Variants in ZBTB20 observed in about 807,000 individuals in gnomAD.
The protein encoded by ZBTB20 is zinc finger and BTB domain-containing protein 20.
A neutral mutation model predicts 56.9 loss-of-function variants in ZBTB20; 9 were observed. The observed-to-expected ratio is 0.16, with a 90% CI of 0.10 to 0.28. The LOEUF (loss-of-function observed/expected upper bound fraction) is 0.28. Ranked by LOEUF, ZBTB20 falls within the 10% of genes least tolerant of loss-of-function variation. The pLI is 1.00. For missense variants in ZBTB20, 655 were observed against 1,003.0 expected (o/e 0.65, Z 4.69); for synonymous variants, 417 against 420.7 (o/e 0.99, Z 0.11).
chr3:115,018,737 T>A (rs2080081461), intron 2 of ZBTB20, among the ~76,000 whole-genome samples: 1 of 151,466 alleles, frequency 6.6e-6, no homozygotes, highest in Non-Finnish European at 1.5e-5. Flanking sequence ...TAACTACAAT[T>A]CCTTGAAGAG....
chr3:114,753,326 TG>T lies in ZBTB20; in HGVS notation c.-343+47774del, dbSNP rs769271270. Among the ~76,000 whole-genome samples, 344 of 49,256 alleles carry T rather than the reference TG, an allele frequency of 7.0e-3. 59 individuals carry two copies. The highest frequency in any genetic ancestry group is 0.019 in the East Asian group (19 of 1,020). The allele number at this position is 49,256 out of a possible 152,430, so 32.3% of individuals were successfully genotyped here. On this transcript the variant is annotated intron_variant, in intron 5 of 11. Coordinates refer to ENST00000675478, the MANE Select transcript of ZBTB20 (RefSeq NM_001348800.3). ...TATATATAATGTATATATGTATACC[TG>T]TATATATAATGTATATATGTATACA...
chr3:115,043,403 T>TA lies in ZBTB20; in HGVS notation c.-507+27815dup, dbSNP rs781129655. ...GTGAAACCCCATCTCTACTAAAAAC[T>TA]AAAAAAAAAAAAAAAATTAGCCAGG... On this transcript the variant is annotated intron_variant, in intron 2 of 11. Transcript: ENST00000675478. Among the ~76,000 whole-genome samples the TA allele has an allele frequency of 1.8e-3, 230 of 126,220 alleles. 1 individual carries two copies. The highest frequency in any genetic ancestry group is 3.2e-3 in the Admixed American group (40 of 12,512). The allele number at this position is 126,220 out of a possible 152,430, so 82.8% of individuals were successfully genotyped here.
intron 2 of ZBTB20, among the ~76,000 whole-genome samples, chr3:115,031,128 G>A (rs894408815): frequency 1.3e-5 from 2 of 151,326 alleles, no homozygotes; most frequent in African/African-American, 2.4e-5. Flanking sequence ...AAATATTTGC[G>A]TTTGCTGAGT....
intron 2 of ZBTB20, among the ~76,000 whole-genome samples, chr3:115,053,861 G>A (rs772458046): frequency 6.6e-6 from 1 of 151,928 alleles, no homozygotes; most frequent in Non-Finnish European, 1.5e-5. Context: ...AGAATGTGTC[G>A]GTATAAGGAC....
chr3:114,795,703 A>T (rs116527657), intron 5 of ZBTB20, among the ~76,000 whole-genome samples: 1,760 of 152,164 alleles, frequency 0.012, 16 homozygotes, highest in South Asian at 0.041. Flanking sequence ...CATACATAAC[A>T]CTTTATGTGG....
rs77349866 is a variant in ZBTB20 at position 114,517,369 on chromosome 3, G to A, written c.-294-16978C>T. ...TTTTACTCTGTTTCTGACACTGAGA[G>A]TCATAGGCATTTATCCTCTAAATCA... On this transcript the variant is annotated intron_variant, in intron 6 of 11. Transcript: ENST00000675478. Among the ~76,000 whole-genome samples the A allele has an allele frequency of 5.3e-3, 806 of 152,260 alleles. 2 individuals carry two copies. Among genetic ancestry groups the A allele is most frequent in the Non-Finnish European group, 7.8e-3 (532 of 68,014 alleles).
intron 2 of ZBTB20, among the ~76,000 whole-genome samples, chr3:115,046,100 G>A (rs1451940027): frequency 6.6e-6 from 1 of 152,026 alleles, no homozygotes; most frequent in Non-Finnish European, 1.5e-5. Context: ...GAGGTCACTG[G>A]GATTAATACT....
rs532177255 is a variant in ZBTB20, at chr3:114,458,728, G to T, written c.-255+41624C>A. Among the ~76,000 whole-genome samples the T allele has an allele frequency of 4.8e-5, 7 of 146,176 alleles. No individual in the cohort carries two copies. In the East Asian group the frequency reaches 1.4e-3, roughly 29 times the overall value. On this transcript the variant is annotated intron_variant, in intron 7 of 11. Transcript: ENST00000675478. ...TTATTAGCTCTGACTTACTTGACAG[G>T]TTTTTTTTTTTTATCTCCAAACATA...
chr3:114,493,962 AC>A (rs1228965649), intron 7 of ZBTB20, among the ~76,000 whole-genome samples: 10 of 152,196 alleles, frequency 6.6e-5, no homozygotes, highest in Admixed American at 6.5e-4. Flanking sequence ...GGCTTTTAAG[AC>A]ATAGTCCTGG....
At chr3:115,092,259 GTTGT>G (rs938655834) in intron 1 of ZBTB20, among the ~76,000 whole-genome samples, 2 of 151,906 alleles carry the variant, frequency 1.3e-5, no homozygotes, top group Non-Finnish European at 2.9e-5. Context: ...TTTTTTTGTT[GTTGT>G]TTGTTTTTTT....
chr3:114,705,048 C>T (rs2063631541), intron 5 of ZBTB20, among the ~76,000 whole-genome samples: 1 of 152,056 alleles, frequency 6.6e-6, no homozygotes, highest in Non-Finnish European at 1.5e-5. Flanking sequence ...TATTCAAAAT[C>T]TTAGTTTAGT....
chr3:115,043,057 C>T lies in ZBTB20; in HGVS notation c.-507+28162G>A, dbSNP rs182255103. Among the ~76,000 whole-genome samples the T allele has an allele frequency of 2.1e-4, 32 of 152,250 alleles. No homozygotes were observed. In the East Asian group the frequency reaches 6.0e-3, roughly 28 times the overall value. ...TCTATCTCTATAATTTCTGGCCTTT[C>T]CAGTTTTCGGTTGCATCTTTCTAGA... On this transcript the variant is annotated intron_variant, in intron 2 of 11. Coordinates refer to ENST00000675478, the MANE Select transcript of ZBTB20 (RefSeq NM_001348800.3).
chr3:115,124,482 G>T (rs1474587400), intron 1 of ZBTB20, among the ~76,000 whole-genome samples: 2 of 152,162 alleles, frequency 1.3e-5, no homozygotes, highest in Admixed American at 1.3e-4. Flanking sequence ...AATGAAGCAT[G>T]TTCTTTCTAA....
intron 5 of ZBTB20, among the ~76,000 whole-genome samples, chr3:114,787,368 T>TATACACACACACACAC (rs1433434685): frequency 4.7e-5 from 5 of 106,310 alleles, no homozygotes; most frequent in African/African-American, 2.3e-4. Flanking sequence ...TATATATATA[T>TATACACACACACACAC]ACACACACAC....
At chr3:114,706,170 A>C (rs2063706422) in intron 5 of ZBTB20, among the ~76,000 whole-genome samples, 1 of 152,150 alleles carries the variant, frequency 6.6e-6, no homozygotes, top group African/African-American at 2.4e-5. Flanking sequence ...CACATCACTT[A>C]AATGATTCTG....
At chr3:115,037,696 C>G (rs1024680411) in intron 2 of ZBTB20, among the ~76,000 whole-genome samples, 1 of 152,040 alleles carries the variant, frequency 6.6e-6, no homozygotes, top group Non-Finnish European at 1.5e-5. Flanking sequence ...TTCCAAAGCA[C>G]AACAGGAGCT....
intron 2 of ZBTB20, among the ~76,000 whole-genome samples, chr3:115,056,499 T>C (rs180852274): frequency 4.5e-4 from 68 of 152,274 alleles, no homozygotes; most frequent in East Asian, 7.7e-4. Context: ...TGGACACTGA[T>C]ACACATAAAT....
In ZBTB20 at chr3:114,706,237, C is replaced by T. The variant is rs193061465; in HGVS notation, c.-342-12662G>A. 7.2e-5 allele frequency among the ~76,000 whole-genome samples: 11 copies of T among 152,134 alleles called. No individual in the cohort carries two copies. The East Asian group carries it at 1.2e-3, about 16-fold the overall frequency. ...AATAAAACCACCTATTTTGCAGGAACGTTGTGAAGATTAGAGACATCCCAG... is the reference window on the plus strand; with the variant it reads ...AATAAAACCACCTATTTTGCAGGAATGTTGTGAAGATTAGAGACATCCCAG... On this transcript the variant is annotated intron_variant, in intron 5 of 11. Coordinates refer to ENST00000675478, the MANE Select transcript of ZBTB20 (RefSeq NM_001348800.3).
chr3:115,013,628 A>G (rs1246984190), intron 2 of ZBTB20, among the ~76,000 whole-genome samples: 1 of 151,694 alleles, frequency 6.6e-6, no homozygotes, highest in Non-Finnish European at 1.5e-5. Flanking sequence ...TCCTACTCAA[A>G]TACTCTGAAA....
Sources: allele counts gnomAD v4.1 joint callset (sites outside exome capture counted in the v4.1 genomes callset), GRCh38; gene constraint gnomAD v4.1.1; transcripts MANE v1.5; gene names NCBI Gene and HGNC (gene_info 2026-07-23, HGNC 2026-07-21).